RIMKLB: variants seen among roughly 807,000 people sequenced by gnomAD.
The protein encoded by RIMKLB is beta-citrylglutamate synthase B.
A neutral mutation model predicts 32.0 loss-of-function variants in RIMKLB; 7 were observed. The ratio of observed to expected loss-of-function variants is 0.22; its 90% CI spans 0.12 to 0.41. The LOEUF (loss-of-function observed/expected upper bound fraction) is 0.41. RIMKLB is among the 10% of genes least tolerant of loss of function. RIMKLB has a pLI of 1.00. For missense variants in RIMKLB, 289 were observed against 498.7 expected, an observed-to-expected ratio of 0.58 and a Z score of 4.00; for synonymous variants, 172 against 185.1, an observed-to-expected ratio of 0.93 and a Z score of 0.57.
intron 1 of RIMKLB, among the ~76,000 whole-genome samples, chr12:8,712,791 T>G (rs1480126664): frequency 5.3e-5 from 8 of 152,238 alleles, no homozygotes; most frequent in Non-Finnish European, 1.0e-4. Flanking sequence ...GCTGCCACTA[T>G]TCAGGAAGCT....
At chr12:8,750,444 AG>A (rs761616847) in intron 3 of RIMKLB, among the ~76,000 whole-genome samples, 2 of 152,242 alleles carry the variant, frequency 1.3e-5, no homozygotes, top group Non-Finnish European at 2.9e-5. Context: ...AACAGCTGAT[AG>A]GTCAAATTTG....
At chr12:8,727,566 G>A (rs968287180) in intron 2 of RIMKLB, among the ~76,000 whole-genome samples, 10 of 152,134 alleles carry the variant, frequency 6.6e-5, no homozygotes, top group African/African-American at 2.4e-4. Context: ...CATGGGTTTT[G>A]CATCTGAATT....
intron 1 of RIMKLB, among the ~76,000 whole-genome samples, chr12:8,684,741 C>G (rs927692570): frequency 2.0e-5 from 3 of 152,158 alleles, no homozygotes; most frequent in African/African-American, 7.2e-5. Flanking sequence ...TCACCTCGGT[C>G]TCCTAAGTAG....
the RIMKLB span, among the ~76,000 whole-genome samples, chr12:8,673,462 A>G: frequency 1.3e-5 from 2 of 152,104 alleles, no homozygotes; most frequent in Non-Finnish European, 2.9e-5. Context: ...TCTGCTTTAC[A>G]TAGTGTTAGC....
At chr12:8,756,684 C>CTTTTTT (rs145312687) in intron 5 of RIMKLB, among the ~76,000 whole-genome samples, 49 of 90,974 alleles carry the variant, frequency 5.4e-4, no homozygotes, top group Non-Finnish European at 6.6e-4. Context: ...TTACTTTCTA[C>CTTTTTT]TTTTTTTTTT....
intron 2 of RIMKLB, among the ~76,000 whole-genome samples, chr12:8,724,944 CCTT>C: frequency 6.6e-6 from 1 of 152,288 alleles, no homozygotes; most frequent in Middle Eastern, 3.4e-3. Flanking sequence ...GTGACACTGT[CCTT>C]CTTACCCTCT....
chr12:8,730,912 A>G (rs959004872), intron 2 of RIMKLB, among the ~76,000 whole-genome samples: 1 of 151,190 alleles, frequency 6.6e-6, no homozygotes, highest in African/African-American at 2.4e-5. Flanking sequence ...GCTAATTTTT[A>G]TATTTTTAGT....
chr12:8,782,666 TTTTATTTTTTAATGATAAGAACA>T (rs1350855847), intron 7 of RIMKLB, among the ~76,000 whole-genome samples: 1 of 152,166 alleles, frequency 6.6e-6, no homozygotes, highest in African/African-American at 2.4e-5. Context: ...TAGATTTAGC[TTTTATTTTTTAATGATAAGAACA>T]TTAAATGTCT....
intron 1 of RIMKLB, among the ~76,000 whole-genome samples, chr12:8,689,061 C>A (rs1023855618): frequency 3.9e-5 from 6 of 152,230 alleles, no homozygotes; most frequent in Non-Finnish European, 8.8e-5. Context: ...GTCTCGAACT[C>A]CTGACCTCAG....
chr12:8,774,808 A>G lies in RIMKLB; in HGVS notation c.*1024A>G, dbSNP rs1447731694. 1.0e-6 allele frequency: 1 copy of G among 985,534 alleles called. No individual in the cohort carries two copies. The highest frequency in any genetic ancestry group is 1.2e-6 in the Non-Finnish European group (1 of 829,916). The allele number at this position is 985,534 out of a possible 1,614,324, so 61.0% of individuals were successfully genotyped here. ...TCAAGAGCCTATGAGTTCTAAGTATAAAGCTGAAGTGATTTCGAATGCCAG... is the reference window on the plus strand; with the variant it reads ...TCAAGAGCCTATGAGTTCTAAGTATGAAGCTGAAGTGATTTCGAATGCCAG... On this transcript the variant is annotated 3_prime_UTR_variant, in exon 6 of 6. Coordinates refer to ENST00000535829, the MANE Select transcript of RIMKLB (RefSeq NM_001297776.2).
At chr12:8,763,572 T>C (rs1054387285) in intron 5 of RIMKLB, among the ~76,000 whole-genome samples, 1 of 152,262 alleles carries the variant, frequency 6.6e-6, no homozygotes, top group African/African-American at 2.4e-5. Flanking sequence ...CGTTCCTCGC[T>C]GAGCGCCTTG....
At chr12:8,766,783 G>C (rs1185341274) in intron 5 of RIMKLB, among the ~76,000 whole-genome samples, 1 of 152,208 alleles carries the variant, frequency 6.6e-6, no homozygotes, top group Non-Finnish European at 1.5e-5. Context: ...AAATCTGCTA[G>C]GTTAAGGGAA....
intron 2 of RIMKLB, among the ~76,000 whole-genome samples, chr12:8,737,002 G>A (rs191926746): frequency 2.0e-5 from 3 of 151,728 alleles, no homozygotes; most frequent in African/African-American, 7.3e-5. Flanking sequence ...TAGTAGAGAC[G>A]GGGTTTCACC....
At chr12:8,692,732 AG>A (rs937201404), upstream of RIMKLB, among the ~76,000 whole-genome samples, 54 of 152,280 alleles carry the variant, frequency 3.5e-4, no homozygotes, top group African/African-American at 1.2e-3. Context: ...AGGGAAAAGG[AG>A]GAGGGATGTG....
chr12:8,682,307 T>C (rs1025005330), intron 1 of RIMKLB, among the ~76,000 whole-genome samples: 13 of 152,152 alleles, frequency 8.5e-5, no homozygotes, highest in Non-Finnish European at 1.8e-4. Flanking sequence ...ACACTTCCCG[T>C]TGGTTGCTAA....
chr12:8,671,238 G>GT, the RIMKLB span, among the ~76,000 whole-genome samples: 2 of 151,916 alleles, frequency 1.3e-5, no homozygotes, highest in Admixed American at 6.6e-5. Flanking sequence ...CCAGAAAACA[G>GT]TTTTTTCTTT....
In RIMKLB at chr12:8,773,379, G is replaced by T. The variant is rs755255811; in HGVS notation, c.756G>T (p.Val252=). ...AAGGGAAGCAGCTAGCTATCCAGGT[G>T]TCTAATATCCTGGGGATGGATGTGT... ...SEQGKQLAIQ[V]SNILGMDVCG... Residue 252 remains valine, a synonymous_variant, in exon 6 of 6, where the codon GTG becomes GTT. Coordinates refer to ENST00000535829, the MANE Select transcript of RIMKLB (RefSeq NM_001297776.2). 6.2e-7 allele frequency: 1 copy of T among 1,614,082 alleles called. No homozygotes were observed. Among genetic ancestry groups the T allele is most frequent in the Non-Finnish European group, 8.5e-7 (1 of 1,179,884 alleles).
At chr12:8,697,355 T>A (rs914153241), upstream of RIMKLB, 1 of 152,476 alleles carries the variant, frequency 6.6e-6, no homozygotes, top group Non-Finnish European at 1.5e-5. Context: ...TTTGTCTCCA[T>A]ATCTTTGCCT....
intron 2 of RIMKLB, among the ~76,000 whole-genome samples, chr12:8,740,983 C>T (rs2137496441): frequency 6.6e-6 from 1 of 151,684 alleles, no homozygotes; most frequent in South Asian, 2.1e-4. Flanking sequence ...CTGAGGCGGG[C>T]AAATCATGAG....
Sources: allele counts gnomAD v4.1 joint callset (sites outside exome capture counted in the v4.1 genomes callset), GRCh38; gene constraint gnomAD v4.1.1; transcripts MANE v1.5; gene names NCBI Gene and HGNC (gene_info 2026-07-23, HGNC 2026-07-21).